The following RCOR2 variants were observed in gnomAD, a reference collection of about 807,000 sequenced individuals.
RCOR2 encodes REST corepressor 2.
Under a neutral mutation model 58.9 loss-of-function variants are expected in RCOR2, and 19 were observed. The observed-to-expected ratio is 0.32, with a 90% CI of 0.23 to 0.47. The LOEUF (loss-of-function observed/expected upper bound fraction) is 0.47. RCOR2 is among the 20% of genes least tolerant of loss of function. The pLI is 1.00. For synonymous variants in RCOR2, 286 were observed against 278.7 expected, an observed-to-expected ratio of 1.03 and a Z score of -0.26; for missense variants, 590 against 707.9, an observed-to-expected ratio of 0.83 and a Z score of 1.89.
chr11:63,926,277 TG>T, the RCOR2 span, among the ~76,000 whole-genome samples: 2 of 152,152 alleles, frequency 1.3e-5, no homozygotes, highest in Non-Finnish European at 2.9e-5. Flanking sequence ...TGTTTAAGCC[TG>T]GTTGATTTCT....
In RCOR2 at chr11:63,913,971, T is replaced by C. The variant is rs188747389; in HGVS notation, c.874A>G (p.Ile292Val). ...GGCCCCACCTGGCGCTTGAGGGAGA[T>C]GAGCTGAGAGTCAAGACCTCGGAGC... ...LTLRGLDSQL[I>V]SLKRQVQSMK... Residue 292 changes from isoleucine to valine, a missense_variant, in exon 8 of 12, where the codon ATC becomes GTC. Coordinates refer to ENST00000301459, the MANE Select transcript of RCOR2 (RefSeq NM_173587.4). 6.2e-7 allele frequency: 1 copy of C among 1,612,872 alleles called. No individual in the cohort carries two copies. Among genetic ancestry groups the C allele is most frequent in the South Asian group, 1.1e-5 (1 of 91,046 alleles).
chr11:63,923,087 C>A, the RCOR2 span, among the ~76,000 whole-genome samples: 1 of 152,054 alleles, frequency 6.6e-6, no homozygotes, highest in Non-Finnish European at 1.5e-5. Flanking sequence ...CCTTCATGGC[C>A]TTTGTCTGCT....
the RCOR2 span, among the ~76,000 whole-genome samples, chr11:63,924,010 G>A: frequency 5.3e-5 from 8 of 152,170 alleles, no homozygotes; most frequent in Admixed American, 1.3e-4. Context: ...CTGGGTTCAA[G>A]CGATTCTCCT....
chr11:63,911,655 C>T lies in RCOR2; in HGVS notation c.*210G>A, dbSNP rs1030564386. On this transcript the variant is annotated 3_prime_UTR_variant, in exon 12 of 12. Coordinates refer to ENST00000301459, the MANE Select transcript of RCOR2 (RefSeq NM_173587.4). Reference sequence around the variant, plus strand: ...AAGTGCCCTCAGGCCAGCTCAAAGGCCCCTGAGCCCGGCCATGGCCCCAGG... The same window carrying T: ...AAGTGCCCTCAGGCCAGCTCAAAGGTCCCTGAGCCCGGCCATGGCCCCAGG... 1.4e-6 allele frequency: 1 copy of T among 727,202 alleles called. No individual in the cohort carries two copies. Among genetic ancestry groups the T allele is most frequent in the African/African-American group, 1.9e-5 (1 of 53,150 alleles). 45.0% of individuals were successfully genotyped at this position (727,202 alleles called of 1,614,324 possible). A position where few individuals can be genotyped will look rare whatever the true frequency, so the allele number is the denominator to read the frequency against.
intron 2 of RCOR2, 114 bp from the exon 3 acceptor site, chr11:63,915,372 G>T: frequency 8.8e-7 from 1 of 1,137,674 alleles, no homozygotes; most frequent in South Asian, 1.3e-5. Context: ...AGGCCCAGAA[G>T]GGAAGGAGGG....
rs145089060 is a variant in RCOR2 at position 63,914,033 on chromosome 11, G to C, written c.812C>G (p.Thr271Arg). 2.0e-5 allele frequency: 32 copies of C among 1,613,678 alleles called. No individual in the cohort carries two copies. In the African/African-American group the frequency reaches 3.3e-4, roughly 17 times the overall value. Residue 271 changes from threonine (T) to arginine (R), a missense_variant, in exon 8 of 12, where the codon ACG (threonine) becomes AGG (arginine). Physicochemically the swap from Thr to Arg is moderately conservative, Grantham distance 71 (BLOSUM62 -1). Transcript: ENST00000301459. ...AAGGTCCGGGCTTCCTGACACTGCC[G>C]TGAGGCCTTCAGGGCTCAGGTACAT... is the stretch of plus-strand genomic sequence containing the variant. The part of the protein sequence containing the change: ...KGMYLSPEGL[T>R]AVSGSPDLAN...
upstream of RCOR2, among the ~76,000 whole-genome samples, chr11:63,920,905 C>A (rs573104029): frequency 3.9e-5 from 6 of 152,298 alleles, no homozygotes; most frequent in South Asian, 2.1e-4. Context: ...CCTCACCCCC[C>A]ACCCAGGGTT....
At chr11:63,913,929 G>T in intron 8 of RCOR2, 25 bp downstream of exon 8, 1 of 1,607,724 alleles carries the variant, frequency 6.2e-7, no homozygotes, top group Non-Finnish European at 8.5e-7. Flanking sequence ...CCTTTGCATA[G>T]CCCGTTCATT....
At chr11:63,921,886 A>G (rs1055115004), upstream of RCOR2, among the ~76,000 whole-genome samples, 1 of 152,176 alleles carries the variant, frequency 6.6e-6, no homozygotes, top group African/African-American at 2.4e-5. Flanking sequence ...CATCTTCTCA[A>G]CTATGGGTTG....
chr11:63,915,666 GAT>G, intron 1 of RCOR2, 55 bp from the exon 2 acceptor site: 1 of 619,710 alleles, frequency 1.6e-6, no homozygotes, highest in South Asian at 1.5e-5. Context: ...CGGGAGGGAG[GAT>G]GTGGCGGGCG....
In RCOR2 at chr11:63,915,242, G is replaced by A; in HGVS notation, c.201C>T (p.Tyr67=). ...PECKPESPAR[Y]SNKELKGMLV... ...GCATCCCCTTCAGCTCCTTGTTGCT[G>A]TAGCGTGCGGGGCTCTCTGAAAGGC... Residue 67 remains tyrosine, a synonymous_variant, in exon 3 of 12, where the codon TAC becomes TAT. Transcript: ENST00000301459. The A allele has an allele frequency of 1.3e-6, 2 of 1,551,372 alleles. No homozygotes were observed. The highest frequency in any genetic ancestry group is 1.7e-6 in the Non-Finnish European group (2 of 1,146,986).
At chr11:63,917,314 G>A (rs1398113685), upstream of RCOR2, among the ~76,000 whole-genome samples, 1 of 152,096 alleles carries the variant, frequency 6.6e-6, no homozygotes, top group African/African-American at 2.4e-5. Flanking sequence ...CAGGGGGTGG[G>A]ATCAGGACCC....
At position 63,916,500 on chromosome 11, in the gene RCOR2, G is replaced by C. The variant is rs1452394898; in HGVS notation, c.-44C>G. The C allele has an allele frequency of 1.3e-6, 2 of 1,578,906 alleles. No homozygotes were observed. Among genetic ancestry groups the C allele is most frequent in the Non-Finnish European group, 1.7e-6 (2 of 1,164,528 alleles). Reference sequence around the variant, plus strand: ...CGGGGGGCGCAGGAGCCTTCGGAGAGCGACAGTGGTTGCCGCACTCGCTCC... The same window carrying C: ...CGGGGGGCGCAGGAGCCTTCGGAGACCGACAGTGGTTGCCGCACTCGCTCC... On this transcript the variant is annotated 5_prime_UTR_variant, in exon 1 of 12. Transcript: ENST00000301459.
At chr11:63,915,029 C>T in intron 3 of RCOR2, 75 bp from the exon 4 acceptor site, 3 of 1,587,684 alleles carry the variant, frequency 1.9e-6, no homozygotes, top group Admixed American at 3.3e-5. Context: ...AGAAAGGGAC[C>T]ACCCCACAAC....
the RCOR2 span, among the ~76,000 whole-genome samples, chr11:63,922,478 G>A: frequency 2.6e-5 from 4 of 152,072 alleles, no homozygotes; most frequent in Non-Finnish European, 4.4e-5. Flanking sequence ...TCAGCCTCCC[G>A]AGTAGTGGGG....
chr11:63,913,083 T>C (rs1327134227), intron 8 of RCOR2, 136 bp from the exon 9 acceptor site: 5 of 704,482 alleles, frequency 7.1e-6, no homozygotes, highest in Non-Finnish European at 1.2e-5. Flanking sequence ...CCATCTGGCT[T>C]GTTCCTCCTA....
intron 1 of RCOR2, 79 bp downstream of exon 1, chr11:63,916,251 G>A (rs879343304): frequency 1.6e-6 from 2 of 1,276,454 alleles, no homozygotes; most frequent in Non-Finnish European, 2.2e-6. Flanking sequence ...CAGGCTCGTG[G>A]TCTGCAACTC....
At chr11:63,913,342 A>G (rs1941807408) in intron 8 of RCOR2, among the ~76,000 whole-genome samples, 1 of 150,612 alleles carries the variant, frequency 6.6e-6, no homozygotes, top group Non-Finnish European at 1.5e-5. Context: ...GCCTGCTACC[A>G]CACCTGGCTA....
the RCOR2 span, among the ~76,000 whole-genome samples, chr11:63,922,450 T>C: frequency 6.6e-6 from 1 of 152,170 alleles, no homozygotes; most frequent in Non-Finnish European, 1.5e-5. Flanking sequence ...CCTCCCAGGT[T>C]TAAGCGATTC....
Sources: allele counts gnomAD v4.1 joint callset (sites outside exome capture counted in the v4.1 genomes callset), GRCh38; gene constraint gnomAD v4.1.1; transcripts MANE v1.5; gene names NCBI Gene and HGNC (gene_info 2026-07-23, HGNC 2026-07-21).